Variants in TIAM1 observed in about 807,000 individuals in gnomAD.
TIAM1 encodes rho guanine nucleotide exchange factor TIAM1.
TIAM1 carries 65 observed loss-of-function variants against 163.5 expected under a neutral mutation model. The ratio of observed to expected loss-of-function variants is 0.40; its 90% CI spans 0.33 to 0.49. The LOEUF (loss-of-function observed/expected upper bound fraction) is 0.49, where lower values mean the gene tolerates loss of function less well. Among genes scored for constraint, TIAM1 ranks in the 20% least tolerant of loss-of-function variants. TIAM1 has a pLI of 0.77. For missense variants in TIAM1, 1,789 were observed against 2,044.7 expected, an observed-to-expected ratio of 0.87 and a Z score of 2.41; for synonymous variants, 833 against 810.1, an observed-to-expected ratio of 1.03 and a Z score of -0.48.
chr21:31,136,763 C>T (rs975744338), intron 22 of TIAM1, among the ~76,000 whole-genome samples: 1 of 152,308 alleles, frequency 6.6e-6, no homozygotes, highest in Admixed American at 6.5e-5. Context: ...ATGCTAATGG[C>T]CGTCCATGAC....
chr21:31,475,911 T>C (rs1176387214), intron 1 of TIAM1, among the ~76,000 whole-genome samples: 1 of 152,204 alleles, frequency 6.6e-6, no homozygotes, highest in Non-Finnish European at 1.5e-5. Flanking sequence ...GTCATTTTTA[T>C]ATAAACATCT....
At chr21:31,131,813 C>T (rs538785743) in intron 23 of TIAM1, among the ~76,000 whole-genome samples, 77 of 152,194 alleles carry the variant, frequency 5.1e-4, no homozygotes, top group African/African-American at 1.8e-3. Flanking sequence ...GTGATCAGGC[C>T]CTGAGGACTC....
intron 15 of TIAM1, among the ~76,000 whole-genome samples, chr21:31,167,505 G>T (rs1163061483): frequency 6.6e-6 from 1 of 152,154 alleles, no homozygotes. Context: ...ACAAAGCTGA[G>T]CTCCGAAAAC....
intron 5 of TIAM1, among the ~76,000 whole-genome samples, chr21:31,250,191 G>A (rs185970116): frequency 2.2e-4 from 33 of 151,588 alleles, no homozygotes; most frequent in African/African-American, 6.5e-4. Flanking sequence ...AATGCTGTAG[G>A]AATAGCTGAG....
At chr21:31,124,481 G>C (rs1471273141) in intron 27 of TIAM1, 41 bp downstream of exon 27, 1 of 1,608,992 alleles carries the variant, frequency 6.2e-7, no homozygotes, top group Non-Finnish European at 8.5e-7. Flanking sequence ...ACTGCGGAGT[G>C]GGGGTGACGG....
intron 1 of TIAM1, among the ~76,000 whole-genome samples, chr21:31,518,432 C>T (rs903627536): frequency 1.3e-5 from 2 of 152,084 alleles, no homozygotes; most frequent in Non-Finnish European, 2.9e-5. Flanking sequence ...AGATTACAGG[C>T]ATGCGCCACC....
At chr21:31,554,868 G>T (rs1268604905) in intron 1 of TIAM1, among the ~76,000 whole-genome samples, 1 of 152,130 alleles carries the variant, frequency 6.6e-6, no homozygotes, top group East Asian at 1.9e-4. Flanking sequence ...TCTCACACAC[G>T]CACTGGAGGA....
rs903337016 is a variant in TIAM1 at position 31,194,039 on chromosome 21, C to T, written c.2575+1185G>A. Among the ~76,000 whole-genome samples, 7 of 152,308 alleles carry T rather than the reference C, an allele frequency of 4.6e-5. No homozygotes were observed. In the East Asian group the frequency reaches 1.4e-3, roughly 29 times the overall value. Reference sequence around the variant, plus strand: ...TAAATCAGACACCGCCTCCTCAAGCCTGGCTATACAAATCCAGTGCATTCC... The same window carrying T: ...TAAATCAGACACCGCCTCCTCAAGCTTGGCTATACAAATCCAGTGCATTCC... On this transcript the variant is annotated intron_variant, in intron 13 of 27. Coordinates refer to ENST00000541036, the MANE Select transcript of TIAM1 (RefSeq NM_001353694.2).
chr21:31,356,041 T>A, intron 2 of TIAM1, among the ~76,000 whole-genome samples: 1 of 152,162 alleles, frequency 6.6e-6, no homozygotes, highest in East Asian at 1.9e-4. Context: ...ATGATTTGAA[T>A]AACGGTCATT....
chr21:31,190,977 AC>A (rs1383729703), intron 13 of TIAM1, among the ~76,000 whole-genome samples: 1 of 152,196 alleles, frequency 6.6e-6, no homozygotes, highest in Non-Finnish European at 1.5e-5. Context: ...AATATTAGAT[AC>A]AGATGGGCTG....
chr21:31,155,665 C>A lies in TIAM1; in HGVS notation c.2992-1239G>T, dbSNP rs770675615. 3.9e-5 allele frequency among the ~76,000 whole-genome samples: 6 copies of A among 152,202 alleles called. No homozygotes were observed. In the East Asian group the frequency reaches 1.2e-3, roughly 29 times the overall value. On this transcript the variant is annotated intron_variant, in intron 16 of 27. Coordinates refer to ENST00000541036, the MANE Select transcript of TIAM1 (RefSeq NM_001353694.2). ...GACTACAGGCGCCCGCCACCACGCC[C>A]GGCTATTTTTTTGTATTTTTAGGAG...
chr21:31,446,433 G>T lies in TIAM1; in HGVS notation c.-369+17550C>A, dbSNP rs147510879. On this transcript the variant is annotated intron_variant, in intron 2 of 28. Transcript: ENST00000286827. ...CATAATTCCATCTGTCTCATGCTAA[G>T]ATTCACGGGTGATCACTTTCAAAGA... is the stretch of plus-strand genomic sequence containing the variant. Among the ~76,000 whole-genome samples, 76 of 152,282 alleles carry T rather than the reference G, an allele frequency of 5.0e-4. 1 individual carries two copies. In the East Asian group the frequency reaches 0.013, roughly 27 times the overall value.
At position 31,130,095 on chromosome 21, in the gene TIAM1, GGAA is replaced by G. The variant is rs1568878323; in HGVS notation, c.4045+115_4045+117del. 2.9e-3 allele frequency: 1,653 copies of G among 569,302 alleles called. 3 individuals are homozygous for G. Among genetic ancestry groups the G allele is most frequent in the East Asian group, 4.8e-3 (136 of 28,338 alleles). The allele number at this position is 569,302 out of a possible 1,614,324, so 35.3% of individuals were successfully genotyped here. On this transcript the variant is annotated intron_variant, in intron 25 of 27. Transcript: ENST00000541036. The stretch of plus-strand genomic sequence containing the variant: ...CGAGAGACAAGAGAGTTAAGCATAG[GGAA>G]AAAAAAAAAAAAAAGACGGTAGAAG...
intron 11 of TIAM1, among the ~76,000 whole-genome samples, chr21:31,208,744 G>A (rs575942725): frequency 3.9e-5 from 6 of 152,272 alleles, no homozygotes; most frequent in African/African-American, 1.2e-4. Context: ...CATATGAAGA[G>A]CCATGTTTTT....
intron 2 of TIAM1, among the ~76,000 whole-genome samples, chr21:31,417,662 C>G (rs986998107): frequency 2.0e-5 from 3 of 152,162 alleles, no homozygotes; most frequent in African/African-American, 4.8e-5. Context: ...AAGCAAAAAG[C>G]AAGCACTTGC....
chr21:31,178,092 T>C (rs1199711228), intron 15 of TIAM1, among the ~76,000 whole-genome samples: 4 of 152,234 alleles, frequency 2.6e-5, no homozygotes, highest in Non-Finnish European at 5.9e-5. Flanking sequence ...GGTCTGCTGA[T>C]ACTGCTTTAT....
intron 12 of TIAM1, among the ~76,000 whole-genome samples, chr21:31,200,617 C>A (rs968892345): frequency 6.6e-6 from 1 of 152,040 alleles, no homozygotes; most frequent in Admixed American, 6.6e-5. Context: ...CTATGTCTAC[C>A]TATTAAGCCT....
intron 1 of TIAM1, among the ~76,000 whole-genome samples, chr21:31,513,417 G>A (rs754553480): frequency 3.3e-5 from 5 of 152,048 alleles, no homozygotes; most frequent in Non-Finnish European, 5.9e-5. Context: ...GCCCCTGTTC[G>A]CTATTAAGCG....
At chr21:31,218,694 GC>G (rs1402867001) in intron 8 of TIAM1, among the ~76,000 whole-genome samples, 1 of 152,090 alleles carries the variant, frequency 6.6e-6, no homozygotes, top group African/African-American at 2.4e-5. Context: ...TGGCATACAA[GC>G]AAAAAATATT....
Sources: allele counts gnomAD v4.1 joint callset (sites outside exome capture counted in the v4.1 genomes callset), GRCh38; gene constraint gnomAD v4.1.1; transcripts MANE v1.5; gene names NCBI Gene and HGNC (gene_info 2026-07-23, HGNC 2026-07-21).